NCOR2: variants seen among roughly 807,000 people sequenced by gnomAD.
NCOR2 encodes CTG repeat protein 26.
NCOR2 carries 81 observed loss-of-function variants against 262.9 expected under a neutral mutation model. The observed-to-expected ratio is 0.31, with a 90% confidence interval of 0.26 to 0.37. The LOEUF (loss-of-function observed/expected upper bound fraction) is 0.37, where lower values mean the gene tolerates loss of function less well. NCOR2 is among the 10% of genes least tolerant of loss of function. The probability of loss-of-function intolerance (pLI) is 1.00; values close to 1 mark genes in which losing one functional copy is unlikely to be tolerated. For synonymous variants in NCOR2, 1,659 were observed against 1,559.3 expected (o/e 1.06, Z -1.51); for missense variants, 3,385 against 3,621.4 (o/e 0.93, Z 1.68).
chr12:124,419,847 A>T (rs778664533), intron 13 of NCOR2, 110 bp downstream of exon 15: 75 of 983,788 alleles, frequency 7.6e-5, no homozygotes, highest in Non-Finnish European at 1.2e-4. Context: ...AAGCAACAAC[A>T]ACTCATGGAG....
At chr12:124,561,604 G>T (rs538293428) in intron 1 of NCOR2, among the ~76,000 whole-genome samples, 6 of 152,338 alleles carry the variant, frequency 3.9e-5, no homozygotes, top group African/African-American at 1.4e-4. Context: ...GAGGGAGACA[G>T]ACGGCAGGGA....
At chr12:124,431,421 CAG>C (rs2136357107) in intron 8 of NCOR2, among the ~76,000 whole-genome samples, 1 of 150,736 alleles carries the variant, frequency 6.6e-6, no homozygotes, top group Admixed American at 6.6e-5. Context: ...GACAGACAGA[CAG>C]ACACACAGTC....
intron 7 of NCOR2, among the ~76,000 whole-genome samples, chr12:124,438,984 G>GAC: frequency 8.0e-6 from 1 of 125,034 alleles, no homozygotes. Context: ...GAGACCCAGA[G>GAC]AGAGAGAGAT....
At chr12:124,461,111 C>T (rs2046137434) in intron 5 of NCOR2, among the ~76,000 whole-genome samples, 1 of 152,276 alleles carries the variant, frequency 6.6e-6, no homozygotes, top group Non-Finnish European at 1.5e-5. Flanking sequence ...ATTCAGGGGA[C>T]TCAGCCCCAA....
In NCOR2 at chr12:124,333,154, C is replaced by T. The variant is rs764050780; in HGVS notation, c.6731G>A (p.Arg2244Gln). Reference sequence around the variant, plus strand: ...CCTGGGCTCCGTCTGTTCCCCATCCCGGTACAGCAGCGGGTACACAGCACT... The same window carrying T: ...CCTGGGCTCCGTCTGTTCCCCATCCTGGTACAGCAGCGGGTACACAGCACT... Residue 2244 changes from arginine to glutamine, a missense_variant, in exon 42 of 47, where the codon CGG becomes CAG. Physicochemically the swap from Arg to Gln is conservative, Grantham distance 43 (BLOSUM62 1). Around this residue, in one of 5 missense-constraint regions of NCOR2, gnomAD observed 1,017 missense variants for 967.2 expected, o/e 1.05. Transcript: ENST00000405201. 3.3e-5 allele frequency: 53 copies of T among 1,610,242 alleles called. No individual in the cohort carries two copies. In the Admixed American group the frequency reaches 4.0e-4, roughly 12 times the overall value.
intron 1 of NCOR2, among the ~76,000 whole-genome samples, chr12:124,532,706 C>T (rs911087034): frequency 3.9e-5 from 6 of 152,122 alleles, no homozygotes; most frequent in Non-Finnish European, 7.4e-5. Flanking sequence ...AGGCCGGAGA[C>T]GGAGACGCCG....
chr12:124,446,361 GATAAACTTCATCACTATT>G (rs1418218340), intron 7 of NCOR2, among the ~76,000 whole-genome samples: 3 of 152,124 alleles, frequency 2.0e-5, no homozygotes, highest in Non-Finnish European at 4.4e-5. Context: ...TGCTTCCTGG[GATAAACTTCATCACTATT>G]ATAAACTTCA....
chr12:124,347,989 A>T, intron 29 of NCOR2, 78 bp from the exon 32 acceptor site: 1 of 1,492,474 alleles, frequency 6.7e-7, no homozygotes, highest in East Asian at 2.5e-5. Context: ...CAGTGTTTAC[A>T]GCCGCCAGTG....
chr12:124,364,557 G>C (rs2038869438), intron 20 of NCOR2, among the ~76,000 whole-genome samples: 1 of 152,256 alleles, frequency 6.6e-6, no homozygotes, highest in Non-Finnish European at 1.5e-5. Flanking sequence ...TGCGCGACCA[G>C]AGGCCGACAC....
Position 124,351,866 on chromosome 12 carries a change from G to A in NCOR2, c.3694-1129C>T, listed in dbSNP as rs1374454549. 3.9e-5 allele frequency among the ~76,000 whole-genome samples: 6 copies of A among 152,118 alleles called. No homozygotes were observed. In the East Asian group the frequency reaches 9.6e-4, roughly 24 times the overall value. ...CTAGGGTTCCAGGAGCAGATTCAAC[G>A]GTAAAGGTCCTACTATATCCCAAGA... On this transcript the variant is annotated intron_variant, in intron 27 of 46. Transcript: ENST00000405201.
At chr12:124,433,875 C>CAAACACAA (rs1301210324) in intron 8 of NCOR2, among the ~76,000 whole-genome samples, 1 of 96,084 alleles carries the variant, frequency 1.0e-5, no homozygotes. Context: ...CACACACACA[C>CAAACACAA]ACACACACAC....
chr12:124,369,487 C>T (rs1222234520), intron 20 of NCOR2, among the ~76,000 whole-genome samples: 3 of 152,076 alleles, frequency 2.0e-5, no homozygotes, highest in Non-Finnish European at 4.4e-5. Flanking sequence ...CCCGTCCCAC[C>T]AGCCCTTCCC....
intron 20 of NCOR2, among the ~76,000 whole-genome samples, chr12:124,367,924 G>A (rs1045503206): frequency 7.2e-5 from 11 of 152,308 alleles, no homozygotes; most frequent in East Asian, 1.9e-4. Context: ...ATGAGCCACC[G>A]CGACCGGCCT....
At chr12:124,467,930 C>CAT in intron 4 of NCOR2, among the ~76,000 whole-genome samples, 1 of 6,466 alleles carries the variant, frequency 1.5e-4, no homozygotes, top group Non-Finnish European at 3.2e-4. Context: ...TCCTTATCAC[C>CAT]CCCCTCATCC....
chr12:124,508,065 G>A (rs1436449345), intron 1 of NCOR2, among the ~76,000 whole-genome samples: 1 of 152,186 alleles, frequency 6.6e-6, no homozygotes, highest in Non-Finnish European at 1.5e-5. Context: ...TGTGCCAGCA[G>A]CAGCGTCCAG....
chr12:124,388,734 G>A (rs892220235), intron 16 of NCOR2: 4 of 1,304,350 alleles, frequency 3.1e-6, no homozygotes, highest in Non-Finnish European at 4.0e-6. Context: ...GAAACATAGG[G>A]CTGGGAAGAT....
rs1366744943 is a variant in NCOR2, at chr12:124,451,054, T to C, written c.763-1187A>G. Among the ~76,000 whole-genome samples the C allele has an allele frequency of 4.6e-5, 7 of 152,394 alleles. No individual in the cohort carries two copies. The East Asian group carries it at 9.6e-4, about 21-fold the overall frequency. ...TCCCTGTAACCACCCATGACCTTGC[T>C]GTGGCCAGTGGAATTGCTGCACACT... On this transcript the variant is annotated intron_variant, in intron 6 of 46. Coordinates refer to ENST00000405201, the Ensembl canonical transcript of NCOR2.
intron 32 of NCOR2, 137 bp from the exon 35 acceptor site, chr12:124,343,363 T>G (rs2036616565): frequency 1.5e-6 from 1 of 669,334 alleles, no homozygotes; most frequent in Admixed American, 3.4e-5. Flanking sequence ...CTTAGTTCAC[T>G]TTTTGCTCAC....
rs1023117573 is a variant in NCOR2 at position 124,482,089 on chromosome 12, C to T, written c.411+1507G>A. Among the ~76,000 whole-genome samples, 2 of 152,102 alleles carry T rather than the reference C, an allele frequency of 1.3e-5. No individual in the cohort carries two copies. Among genetic ancestry groups the T allele is most frequent in the African/African-American group, 2.4e-5 (1 of 41,404 alleles). ...CCAACAAGAACACAGCTGCATCCGC[C>T]GGGGGAGGTTCCTGAGTGGGCTCTC... On this transcript the variant is annotated intron_variant, in intron 3 of 46. Transcript: ENST00000405201. The surrounding 1 kb of genome is among the most constrained non-coding windows in gnomAD (Gnocchi z 6.3).
Sources: gnomAD v4.1 joint callset for allele counts (sites outside exome capture counted in the v4.1 genomes callset) on GRCh38, gnomAD v4.1.1 for gene constraint, gnomAD v4.1.1 regional missense constraint, Gnocchi (gnomAD v3.1) non-coding constraint, MANE v1.5 for transcripts, NCBI Gene and HGNC (gene_info 2026-07-23, HGNC 2026-07-21) for gene names.